The following SV2C variants were observed in gnomAD, a reference collection of about 807,000 sequenced individuals.
SV2C encodes the protein synaptic vesicle glycoprotein 2C, also known as solute carrier family 22 member B3.
A neutral mutation model predicts 79.7 loss-of-function variants in SV2C; 49 were observed. The observed-to-expected ratio is 0.61, with a 90% CI of 0.49 to 0.78. SV2C has a LOEUF of 0.78. Among genes scored for constraint, SV2C ranks in the 30% least tolerant of loss-of-function variants. The probability of loss-of-function intolerance (pLI) is 0.00; values close to 1 mark genes in which losing one functional copy is unlikely to be tolerated. For synonymous variants in SV2C, 334 were observed against 333.2 expected (o/e 1.00, Z -0.03); for missense variants, 833 against 912.9 (o/e 0.91, Z 1.13).
intron 4 of SV2C, among the ~76,000 whole-genome samples, chr5:76,239,616 G>T (rs543013148): frequency 6.6e-6 from 1 of 152,178 alleles, no homozygotes; most frequent in Non-Finnish European, 1.5e-5. Flanking sequence ...TACCAAGTTG[G>T]TCCTGGCAAG....
chr5:76,246,246 A>T (rs1745943889), intron 4 of SV2C, among the ~76,000 whole-genome samples: 1 of 152,142 alleles, frequency 6.6e-6, no homozygotes, highest in African/African-American at 2.4e-5. Context: ...CATTTTTATC[A>T]TAAGGCCTGT....
At chr5:76,350,227 G>T (rs927596785) in intron 12 of SV2C, among the ~76,000 whole-genome samples, 2 of 152,090 alleles carry the variant, frequency 1.3e-5, no homozygotes, top group South Asian at 4.1e-4. Context: ...TTAGCTGCTA[G>T]AGAAAAAAAT....
intron 2 of SV2C, among the ~76,000 whole-genome samples, chr5:76,141,823 C>CAAAAAAAAAAAAAAAAA: frequency 1.4e-5 from 1 of 72,474 alleles, no homozygotes; most frequent in Non-Finnish European, 2.6e-5. Context: ...AAGTCCATCT[C>CAAAAAAAAAAAAAAAAA]AAAAAAAAAA....
the SV2C span, among the ~76,000 whole-genome samples, chr5:76,074,650 C>T: frequency 1.3e-5 from 2 of 152,160 alleles, no homozygotes; most frequent in Non-Finnish European, 1.5e-5. Context: ...TCTACCCTAC[C>T]ACACACTTCT....
the SV2C span, among the ~76,000 whole-genome samples, chr5:75,944,481 C>T: frequency 6.6e-6 from 1 of 152,100 alleles, no homozygotes; most frequent in African/African-American, 2.4e-5. Context: ...CAGCCTATCT[C>T]TCCCCCTAGT....
At chr5:75,954,855 T>TGA in the SV2C span, among the ~76,000 whole-genome samples, 1 of 141,970 alleles carries the variant, frequency 7.0e-6, no homozygotes, top group East Asian at 2.0e-4. Context: ...AAGGACCTCT[T>TGA]CAAGGAGAAC....
chr5:76,309,621 A>C (rs866094707), intron 12 of SV2C, among the ~76,000 whole-genome samples: 262 of 148,700 alleles, frequency 1.8e-3, no homozygotes, highest in Non-Finnish European at 3.0e-3. Flanking sequence ...AAAAAAAAAA[A>C]AAAACAGAAA....
At chr5:75,982,705 A>T in the SV2C span, among the ~76,000 whole-genome samples, 1 of 152,238 alleles carries the variant, frequency 6.6e-6, no homozygotes. Flanking sequence ...AAAGACATGG[A>T]ATCAACCTAA....
At chr5:76,062,259 G>T in the SV2C span, among the ~76,000 whole-genome samples, 6 of 152,064 alleles carry the variant, frequency 3.9e-5, no homozygotes, top group Non-Finnish European at 8.8e-5. Context: ...AAGGGGTGGG[G>T]CCTTTAGAAG....
chr5:76,035,227 T>G, the SV2C span, among the ~76,000 whole-genome samples: 4 of 142,010 alleles, frequency 2.8e-5, no homozygotes, highest in Non-Finnish European at 4.6e-5. Flanking sequence ...TTTTGAAGGG[T>G]TTTTTTTTTT....
the SV2C span, among the ~76,000 whole-genome samples, chr5:76,058,781 T>C: frequency 6.6e-6 from 1 of 152,152 alleles, no homozygotes; most frequent in African/African-American, 2.4e-5. Flanking sequence ...TAAATAAGAA[T>C]AGTTCATGAT....
the SV2C span, among the ~76,000 whole-genome samples, chr5:76,058,086 T>G: frequency 6.6e-6 from 1 of 152,184 alleles, no homozygotes; most frequent in Non-Finnish European, 1.5e-5. Flanking sequence ...TTTGCATTTA[T>G]GTATTTGATA....
At chr5:76,005,557 G>A in the SV2C span, among the ~76,000 whole-genome samples, 1 of 152,266 alleles carries the variant, frequency 6.6e-6, no homozygotes, top group East Asian at 1.9e-4. Context: ...GGCTGATCAT[G>A]CATCTCATCC....
chr5:76,013,174 T>C, the SV2C span, among the ~76,000 whole-genome samples: 5 of 152,214 alleles, frequency 3.3e-5, no homozygotes, highest in African/African-American at 1.2e-4. Context: ...GGGATAGCAT[T>C]GAATCTATAA....
At chr5:76,161,372 G>A (rs1190801485) in intron 2 of SV2C, among the ~76,000 whole-genome samples, 4 of 152,176 alleles carry the variant, frequency 2.6e-5, no homozygotes, top group Non-Finnish European at 5.9e-5. Context: ...TGCGGTGGAT[G>A]AGAGGATGGG....
intron 2 of SV2C, among the ~76,000 whole-genome samples, chr5:76,188,848 T>A (rs1210775516): frequency 6.6e-6 from 1 of 152,102 alleles, no homozygotes; most frequent in African/African-American, 2.4e-5. Flanking sequence ...CAGCCTTCTA[T>A]GGACTCTGAT....
intron 1 of SV2C, among the ~76,000 whole-genome samples, chr5:76,090,446 C>A (rs1049397325): frequency 6.6e-6 from 1 of 152,204 alleles, no homozygotes; most frequent in African/African-American, 2.4e-5. Context: ...TCCTGAGATG[C>A]ATGGCTTATA....
intron 10 of SV2C, among the ~76,000 whole-genome samples, chr5:76,299,315 A>T (rs1747900273): frequency 6.6e-6 from 1 of 152,214 alleles, no homozygotes; most frequent in African/African-American, 2.4e-5. Flanking sequence ...ATACATATAT[A>T]TTTTGGCCAA....
intron 4 of SV2C, among the ~76,000 whole-genome samples, chr5:76,258,174 G>A (rs894992578): frequency 6.6e-6 from 1 of 151,632 alleles, no homozygotes; most frequent in Non-Finnish European, 1.5e-5. Flanking sequence ...TTTGTTGGAG[G>A]TGAAGTACTC....
Sources: allele counts gnomAD v4.1 joint callset (sites outside exome capture counted in the v4.1 genomes callset), GRCh38; gene constraint gnomAD v4.1.1; transcripts MANE v1.5; gene names NCBI Gene and HGNC (gene_info 2026-07-23, HGNC 2026-07-21).